GLYATL2: variants seen among roughly 807,000 people sequenced by gnomAD.
GLYATL2 encodes glycine-N-acyltransferase like 2.
GLYATL2 carries 25 observed loss-of-function variants against 21.4 expected under a neutral mutation model. That is an observed-to-expected ratio of 1.17 (90% CI 0.85 to 1.63). The LOEUF (loss-of-function observed/expected upper bound fraction) is 1.63, where lower values mean the gene tolerates loss of function less well. Ranked by LOEUF, GLYATL2 falls within the 40% of genes most tolerant of loss-of-function variation. The pLI is 0.00. For synonymous variants in GLYATL2, 114 were observed against 118.2 expected, an observed-to-expected ratio of 0.96 and a Z score of 0.23; for missense variants, 361 against 343.3, an observed-to-expected ratio of 1.05 and a Z score of -0.41.
chr11:58,837,058 T>G lies in GLYATL2; in HGVS notation c.433A>C (p.Ser145Arg). 1 of 1,613,916 alleles carries G rather than the reference T, an allele frequency of 6.2e-7. No individual in the cohort carries two copies. The highest frequency in any genetic ancestry group is 8.5e-7 in the Non-Finnish European group (1 of 1,179,790). ...PELPKKHKTSSNDKMELFEVD... is the reference protein window; with the variant it reads ...PELPKKHKTSRNDKMELFEVD... ...TCAAATAACTCCATCTTGTCATTAC[T>G]TGAGGTCTTGTGTTTCTTTGGTAAT... The change falls in exon 5 of 6, where the codon AGT becomes CGT. Residue 145 changes from serine (S) to arginine (R), a missense_variant. By Grantham distance (110) the Ser-to-Arg change is moderately radical (BLOSUM62 -1). Transcript: ENST00000287275.
intron 1 of GLYATL2, among the ~76,000 whole-genome samples, chr11:58,860,022 T>A (rs556700271): frequency 5.6e-4 from 86 of 152,330 alleles, no homozygotes; most frequent in Middle Eastern, 3.4e-3. Flanking sequence ...TACTATTGCT[T>A]CATAGTACAT....
chr11:58,872,205 T>C (rs1253367426), intron 1 of GLYATL2, among the ~76,000 whole-genome samples: 1 of 152,196 alleles, frequency 6.6e-6, no homozygotes, highest in Non-Finnish European at 1.5e-5. Flanking sequence ...GATGAGTAGG[T>C]TGCGAAAATT....
At chr11:58,899,403 C>T (rs1184590981) in intron 1 of GLYATL2, among the ~76,000 whole-genome samples, 1 of 151,818 alleles carries the variant, frequency 6.6e-6, no homozygotes, top group Non-Finnish European at 1.5e-5. Flanking sequence ...AGAAACTAAA[C>T]CAAAAATTAA....
At position 58,884,736 on chromosome 11, in the gene GLYATL2, C is replaced by G. The variant is rs185928185; in HGVS notation, n.60+19420G>C. Reference sequence around the variant, plus strand: ...TTCAAAATCTGACTGACATTTATCTCTGTAAGAACTTGAGAAATTTACTTA... The same window carrying G: ...TTCAAAATCTGACTGACATTTATCTGTGTAAGAACTTGAGAAATTTACTTA... On this transcript the variant is annotated intron_variant and non_coding_transcript_variant, in intron 1 of 4. Transcript: ENST00000533636. 5.6e-4 allele frequency among the ~76,000 whole-genome samples: 86 copies of G among 152,256 alleles called. 1 individual carries two copies. The highest frequency in any genetic ancestry group is 1.5e-3 in the Admixed American group (23 of 15,294).
At chr11:58,850,934 T>C (rs1161904852) in intron 1 of GLYATL2, among the ~76,000 whole-genome samples, 1 of 152,202 alleles carries the variant, frequency 6.6e-6, no homozygotes, top group Non-Finnish European at 1.5e-5. Flanking sequence ...GCCCTCTAGA[T>C]AGCAGTAGCA....
At chr11:58,853,296 A>T (rs1394387837) in intron 1 of GLYATL2, among the ~76,000 whole-genome samples, 1 of 152,198 alleles carries the variant, frequency 6.6e-6, no homozygotes, top group Non-Finnish European at 1.5e-5. Flanking sequence ...ATCTTTTTCA[A>T]TAAAAACAGT....
At chr11:58,887,430 G>T (rs1854462868) in intron 1 of GLYATL2, among the ~76,000 whole-genome samples, 1 of 152,070 alleles carries the variant, frequency 6.6e-6, no homozygotes, top group Non-Finnish European at 1.5e-5. Context: ...TTCTTAATTG[G>T]TTTTTAATCT....
At chr11:58,897,559 A>ACG (rs898448691) in intron 1 of GLYATL2, among the ~76,000 whole-genome samples, 43 of 152,134 alleles carry the variant, frequency 2.8e-4, no homozygotes, top group African/African-American at 1.0e-3. Context: ...ACACACACGG[A>ACG]CGCACACACA....
chr11:58,855,213 A>G (rs1853807746), intron 1 of GLYATL2, among the ~76,000 whole-genome samples: 1 of 152,214 alleles, frequency 6.6e-6, no homozygotes. Flanking sequence ...TATTGCAGCT[A>G]TAGCCTTAGA....
chr11:58,864,198 G>T (rs1262812667), intron 1 of GLYATL2, among the ~76,000 whole-genome samples: 1 of 152,150 alleles, frequency 6.6e-6, no homozygotes, highest in African/African-American at 2.4e-5. Flanking sequence ...ATGGACACTG[G>T]CCTGGTGACT....
At position 58,844,577 on chromosome 11, in the gene GLYATL2, C is replaced by T. The variant is rs567584319; in HGVS notation, c.-184G>A. ...CACGTTGTCACTGTTAAGCATAAAG[C>T]TTCAGGAAGTTATGGGTTCCTGTAG... is the stretch of plus-strand genomic sequence containing the variant. On this transcript the variant is annotated 5_prime_UTR_variant, in exon 1 of 6. Coordinates refer to ENST00000287275, the MANE Select transcript of GLYATL2 (RefSeq NM_145016.4). The T allele has an allele frequency of 1.3e-4, 20 of 152,294 alleles. No individual in the cohort carries two copies. In the South Asian group the frequency reaches 3.9e-3, roughly 30 times the overall value. The allele number at this position is 152,294 out of a possible 1,614,324, so 9.4% of individuals were successfully genotyped here.
intron 1 of GLYATL2, among the ~76,000 whole-genome samples, chr11:58,840,135 G>A (rs1342265202): frequency 6.6e-6 from 1 of 152,050 alleles, no homozygotes; most frequent in Non-Finnish European, 1.5e-5. Context: ...ACTATATTGT[G>A]TGTAGTCCCT....
At chr11:58,842,494 G>GTGTT (rs2134577641) in intron 1 of GLYATL2, among the ~76,000 whole-genome samples, 1 of 151,404 alleles carries the variant, frequency 6.6e-6, no homozygotes, top group African/African-American at 2.4e-5. Flanking sequence ...GTGTGTGTGT[G>GTGTT]TGTGTGTGTG....
upstream of GLYATL2, among the ~76,000 whole-genome samples, chr11:58,848,648 G>A (rs1057233266): frequency 2.6e-5 from 4 of 151,998 alleles, no homozygotes; most frequent in Non-Finnish European, 4.4e-5. Flanking sequence ...TTAAAAATGC[G>A]CTTTCAAAAG....
intron 1 of GLYATL2, among the ~76,000 whole-genome samples, chr11:58,875,608 A>T (rs1328820860): frequency 1.3e-5 from 2 of 152,188 alleles, no homozygotes; most frequent in Non-Finnish European, 2.9e-5. Flanking sequence ...AAGAATGTTA[A>T]ATATTGGCCC....
In GLYATL2 at chr11:58,837,296, G is replaced by A. The variant is rs1032655165; in HGVS notation, c.288C>T (p.Ser96=). ...EEVLSYSNVI[S]WEQTLQIQGC... is the part of the protein sequence containing the mutation. ...CTTGGATCTGCAAAGTTTGCTCCCA[G>A]CTGATTACATTGGAGTATGACAGGA... is the stretch of plus-strand genomic sequence containing the variant. The change falls in exon 4 of 6, where the codon AGC becomes AGT. Residue 96 remains serine, a synonymous_variant. Transcript: ENST00000287275. The A allele has an allele frequency of 6.2e-7, 1 of 1,613,964 alleles. No homozygotes were observed.
intron 1 of GLYATL2, among the ~76,000 whole-genome samples, chr11:58,860,354 T>A (rs1204183504): frequency 6.6e-6 from 1 of 152,118 alleles, no homozygotes; most frequent in African/African-American, 2.4e-5. Context: ...TACTCCTAAG[T>A]ATTTATGTTT....
intron 1 of GLYATL2, among the ~76,000 whole-genome samples, chr11:58,868,121 T>C (rs1854052615): frequency 6.7e-6 from 1 of 148,888 alleles, no homozygotes; most frequent in Non-Finnish European, 1.5e-5. Flanking sequence ...AAAGTCCTGA[T>C]ACAGAGTTTG....
chr11:58,893,067 C>A, intron 1 of GLYATL2: 1 of 390,268 alleles, frequency 2.6e-6, no homozygotes. Context: ...TTAAATATGC[C>A]AAGCTGGGTG....
Sources: allele counts gnomAD v4.1 joint callset (sites outside exome capture counted in the v4.1 genomes callset), GRCh38; gene constraint gnomAD v4.1.1; transcripts MANE v1.5; gene names NCBI Gene and HGNC (gene_info 2026-07-23, HGNC 2026-07-21).